KXD1: variants seen among roughly 807,000 people sequenced by gnomAD.
KXD1 encodes the protein KxDL motif containing 1.
KXD1 carries 5 observed loss-of-function variants against 12.1 expected under a neutral mutation model. The ratio of observed to expected loss-of-function variants is 0.41; its 90% CI spans 0.22 to 0.87. The LOEUF (loss-of-function observed/expected upper bound fraction) is 0.87, where lower values mean the gene tolerates loss of function less well. Among genes scored for constraint, KXD1 ranks in the 40% least tolerant of loss-of-function variants. The pLI is 0.31. For missense variants in KXD1, 193 were observed against 244.9 expected (o/e 0.79, Z 1.41); for synonymous variants, 98 against 100.5 (o/e 0.98, Z 0.15).
chr19:18,562,858 G>A (rs776406428), intron 2 of KXD1, among the ~76,000 whole-genome samples: 4 of 152,216 alleles, frequency 2.6e-5, no homozygotes, highest in Non-Finnish European at 5.9e-5. Flanking sequence ...GTCTCTTGGA[G>A]CGGACATAAA....
At chr19:18,561,027 C>T (rs1485878551) in intron 1 of KXD1, among the ~76,000 whole-genome samples, 3 of 152,060 alleles carry the variant, frequency 2.0e-5, no homozygotes, top group South Asian at 2.1e-4. Context: ...TTGGAGCTGA[C>T]GTTGTGGCGG....
In KXD1 at chr19:18,568,807, A is replaced by T; in HGVS notation, c.*176A>T. ...TGTGGAATTCCTGGGGGGGTCTTTA[A>T]TTCTGGCTCCTTCCTTCCTCAGAAC... On this transcript the variant is annotated 3_prime_UTR_variant, in exon 5 of 5. Transcript: ENST00000222307. 3.3e-6 allele frequency: 2 copies of T among 598,708 alleles called. No homozygotes were observed. Among genetic ancestry groups the T allele is most frequent in the Non-Finnish European group, 5.9e-6 (2 of 337,162 alleles). The allele number at this position is 598,708 out of a possible 1,614,324, so 37.1% of individuals were successfully genotyped here.
intron 2 of KXD1, among the ~76,000 whole-genome samples, chr19:18,564,345 G>C (rs565553261): frequency 6.6e-6 from 1 of 152,090 alleles, no homozygotes; most frequent in Non-Finnish European, 1.5e-5. Context: ...GATTGGGCCA[G>C]GCACGATGGC....
chr19:18,567,009 A>G (rs1975275663), intron 3 of KXD1, 123 bp from the exon 4 acceptor site: 1 of 776,514 alleles, frequency 1.3e-6, no homozygotes, highest in Non-Finnish European at 2.2e-6. Context: ...GGTGATGAAC[A>G]GTGTGGGGGT....
At chr19:18,567,403 CAGGAGAATG>C in intron 4 of KXD1, 1 of 657,924 alleles carries the variant, frequency 1.5e-6, no homozygotes, top group Admixed American at 2.3e-5. Flanking sequence ...GGAGGCCGCA[CAGGAGAATG>C]TGGATAAGCA....
At chr19:18,562,645 A>T (rs1292256299) in intron 2 of KXD1, among the ~76,000 whole-genome samples, 1 of 152,224 alleles carries the variant, frequency 6.6e-6, no homozygotes, top group African/African-American at 2.4e-5. Context: ...TATTTTTAGT[A>T]GAGACGGGCT....
chr19:18,563,737 C>T (rs1249326556), intron 2 of KXD1, among the ~76,000 whole-genome samples: 3 of 152,026 alleles, frequency 2.0e-5, no homozygotes, highest in Non-Finnish European at 2.9e-5. Context: ...CTCTTGACTT[C>T]GTGATCCGCC....
At chr19:18,564,742 G>A in intron 2 of KXD1, 127 bp from the exon 3 acceptor site, 1 of 1,063,926 alleles carries the variant, frequency 9.4e-7, no homozygotes, top group Non-Finnish European at 1.4e-6. Flanking sequence ...GAACTCTGCA[G>A]GACAAGGGAA....
At chr19:18,562,964 T>G (rs1974995317) in intron 2 of KXD1, among the ~76,000 whole-genome samples, 1 of 152,274 alleles carries the variant, frequency 6.6e-6, no homozygotes, top group Non-Finnish European at 1.5e-5. Context: ...ATACCAAGCT[T>G]GTCCAACCCT....
At chr19:18,567,006 A>G in intron 3 of KXD1, 126 bp from the exon 4 acceptor site, 1 of 770,686 alleles carries the variant, frequency 1.3e-6, no homozygotes, top group Non-Finnish European at 2.2e-6. Flanking sequence ...TGAGGTGATG[A>G]ACAGTGTGGG....
At chr19:18,561,973 TG>T in intron 1 of KXD1, 62 bp from the exon 2 acceptor site, 1 of 1,095,576 alleles carries the variant, frequency 9.1e-7, no homozygotes, top group Non-Finnish European at 1.3e-6. Flanking sequence ...GGTCCCGGCC[TG>T]GCCTCTTGGT....
At chr19:18,566,666 G>T (rs776286454) in intron 3 of KXD1, among the ~76,000 whole-genome samples, 2 of 151,960 alleles carry the variant, frequency 1.3e-5, no homozygotes, top group Non-Finnish European at 2.9e-5. Flanking sequence ...GGTGGCACGT[G>T]CCTGTAATCC....
chr19:18,567,328 G>A, intron 4 of KXD1, 150 bp downstream of exon 4: 1 of 769,326 alleles, frequency 1.3e-6, no homozygotes, highest in East Asian at 2.6e-5. Context: ...CAGGGTCAGG[G>A]TGCTGGCCTG....
rs139153679 is a variant in KXD1, at chr19:18,562,118, C to A, written c.62C>A (p.Thr21Lys). 1.1e-5 allele frequency: 18 copies of A among 1,613,136 alleles called. No individual in the cohort carries two copies. Among genetic ancestry groups the A allele is most frequent in the Non-Finnish European group, 1.5e-5 (18 of 1,179,588 alleles). Residue 21 changes from threonine to lysine, a missense_variant, in exon 2 of 5, where the codon ACA becomes AAA. Physicochemically the swap from Thr to Lys is moderately conservative, Grantham distance 78. Coordinates refer to ENST00000222307, the MANE Select transcript of KXD1 (RefSeq NM_024069.4). ...FCGRILSMVN[T>K]DDVNAIILAQ... ...GGCCGCATCCTGAGCATGGTGAACA[C>A]AGATGATGTCAACGCCATCATCCTG... is the stretch of plus-strand genomic sequence containing the variant.
intron 2 of KXD1, among the ~76,000 whole-genome samples, chr19:18,564,618 G>A (rs1030073387): frequency 2.0e-5 from 3 of 152,102 alleles, no homozygotes; most frequent in African/African-American, 7.2e-5. Context: ...GCAAGACTCT[G>A]TCTCAAAAAA....
intron 1 of KXD1, chr19:18,560,096 C>T (rs1018839476): frequency 1.3e-5 from 2 of 150,770 alleles, no homozygotes; most frequent in African/African-American, 2.4e-5. Flanking sequence ...CCTCTGCCTC[C>T]CAGGTTCAAG....
chr19:18,566,424 CAA>C lies in KXD1; in HGVS notation c.255-707_255-706del, dbSNP rs1288944341. 2.1e-5 allele frequency among the ~76,000 whole-genome samples: 3 copies of C among 142,700 alleles called. No homozygotes were observed. The Admixed American group carries it at 2.2e-4, about 11-fold the overall frequency. 93.6% of individuals were successfully genotyped at this position (142,700 alleles called of 152,430 possible). A position where few individuals can be genotyped will look rare whatever the true frequency, so the allele number is the denominator to read the frequency against. On this transcript the variant is annotated intron_variant, in intron 3 of 4. Coordinates refer to ENST00000222307, the MANE Select transcript of KXD1 (RefSeq NM_024069.4). ...TGAGCCGAGATCGCGCCACTGCACT[CAA>C]GCCTGGGCGACAGAGCGAGACTCCG... is the stretch of plus-strand genomic sequence containing the variant.
chr19:18,562,510 G>A (rs148925257), intron 2 of KXD1, among the ~76,000 whole-genome samples: 3,977 of 152,312 alleles, frequency 0.026, 165 homozygotes, highest in African/African-American at 0.088. Context: ...GCCCAGGCTA[G>A]AGTGCAATGG....
intron 1 of KXD1, chr19:18,559,271 G>A (rs977590269): frequency 6.6e-6 from 1 of 152,146 alleles, no homozygotes; most frequent in Non-Finnish European, 1.5e-5. Context: ...TTACAGGCAT[G>A]AGCACCCGGT....
Sources: gnomAD v4.1 joint callset for allele counts (sites outside exome capture counted in the v4.1 genomes callset) on GRCh38, gnomAD v4.1.1 for gene constraint, MANE v1.5 for transcripts, NCBI Gene and HGNC (gene_info 2026-07-23, HGNC 2026-07-21) for gene names.